FSTL4: variants seen among roughly 807,000 people sequenced by gnomAD.
The protein encoded by FSTL4 is follistatin-related protein 4.
Under a neutral mutation model 78.2 loss-of-function variants are expected in FSTL4, and 28 were observed. The observed-to-expected ratio is 0.36, with a 90% CI of 0.27 to 0.49. The LOEUF (loss-of-function observed/expected upper bound fraction) is 0.49. Ranked by LOEUF, FSTL4 falls within the 20% of genes least tolerant of loss-of-function variation. FSTL4 has a pLI of 0.98. For missense variants in FSTL4, 922 were observed against 1,084.9 expected (o/e 0.85, Z 2.11); for synonymous variants, 422 against 440.5 (o/e 0.96, Z 0.53).
intron 4 of FSTL4, among the ~76,000 whole-genome samples, chr5:133,334,302 G>A (rs2126911940): frequency 6.6e-6 from 1 of 152,320 alleles, no homozygotes; most frequent in South Asian, 2.1e-4. Flanking sequence ...CTCACATGAA[G>A]CTTTTCTTTA....
the FSTL4 span, among the ~76,000 whole-genome samples, chr5:133,839,535 G>A: frequency 9.3e-4 from 131 of 140,452 alleles, 1 homozygote; most frequent in African/African-American, 2.9e-3. Flanking sequence ...GTGGGTTGAG[G>A]GGCTATCTTT....
chr5:133,257,113 T>G (rs1204004920), intron 6 of FSTL4, among the ~76,000 whole-genome samples: 1 of 152,228 alleles, frequency 6.6e-6, no homozygotes, highest in Non-Finnish European at 1.5e-5. Context: ...AGTGAACTAT[T>G]AGGCTAGTGC....
chr5:133,315,252 G>A (rs1411355643), intron 5 of FSTL4, among the ~76,000 whole-genome samples: 1 of 152,238 alleles, frequency 6.6e-6, no homozygotes, highest in African/African-American at 2.4e-5. Flanking sequence ...GAGGTTCACA[G>A]CTGAACACAG....
chr5:133,835,579 A>C, the FSTL4 span, among the ~76,000 whole-genome samples: 1 of 152,216 alleles, frequency 6.6e-6, no homozygotes, highest in Non-Finnish European at 1.5e-5. Flanking sequence ...CTTAGTGAGT[A>C]ATCTCTACTT....
the FSTL4 span, among the ~76,000 whole-genome samples, chr5:133,826,497 G>A: frequency 6.6e-6 from 1 of 152,126 alleles, no homozygotes; most frequent in Non-Finnish European, 1.5e-5. Flanking sequence ...TCAGCTTCTG[G>A]TGGCCATCAG....
At chr5:133,507,154 G>A (rs1280339659) in intron 3 of FSTL4, among the ~76,000 whole-genome samples, 1 of 152,180 alleles carries the variant, frequency 6.6e-6, no homozygotes, top group African/African-American at 2.4e-5. Context: ...ATTGCAGTGA[G>A]CCGAGATCAC....
At chr5:133,241,536 C>A (rs915446433) in intron 7 of FSTL4, among the ~76,000 whole-genome samples, 2 of 152,216 alleles carry the variant, frequency 1.3e-5, no homozygotes, top group African/African-American at 4.8e-5. Flanking sequence ...GGCCAGCAGG[C>A]AAATACCTCT....
chr5:133,653,109 C>G, the FSTL4 span, among the ~76,000 whole-genome samples: 1 of 152,190 alleles, frequency 6.6e-6, no homozygotes, highest in African/African-American at 2.4e-5. Context: ...CATACACATT[C>G]ACACCACAGA....
chr5:133,492,165 T>C (rs1239416643), intron 3 of FSTL4, among the ~76,000 whole-genome samples: 1 of 152,192 alleles, frequency 6.6e-6, no homozygotes, highest in Non-Finnish European at 1.5e-5. Flanking sequence ...TAGTATCTTC[T>C]CAAATAACAC....
At chr5:133,760,683 C>A in the FSTL4 span, among the ~76,000 whole-genome samples, 1 of 152,126 alleles carries the variant, frequency 6.6e-6, no homozygotes, top group African/African-American at 2.4e-5. Context: ...TGCAGCCTGG[C>A]CACGCAGTTC....
At chr5:133,624,634 TA>T in the FSTL4 span, among the ~76,000 whole-genome samples, 2 of 151,974 alleles carry the variant, frequency 1.3e-5, no homozygotes, top group Non-Finnish European at 2.9e-5. Context: ...TTAGTGGGTT[TA>T]TTTCTGGGTT....
the FSTL4 span, among the ~76,000 whole-genome samples, chr5:133,692,540 T>C: frequency 6.6e-6 from 1 of 152,166 alleles, no homozygotes; most frequent in Non-Finnish European, 1.5e-5. Flanking sequence ...AGGCACAGCT[T>C]GCAAAGCACA....
chr5:133,331,725 T>C (rs750120577), intron 4 of FSTL4, among the ~76,000 whole-genome samples: 2 of 152,202 alleles, frequency 1.3e-5, no homozygotes, highest in East Asian at 1.9e-4. Context: ...ACTTGAACGA[T>C]TGACAGTAAA....
chr5:133,706,925 G>C, the FSTL4 span, among the ~76,000 whole-genome samples: 3 of 152,164 alleles, frequency 2.0e-5, no homozygotes, highest in Non-Finnish European at 4.4e-5. Context: ...TCTCCACTGG[G>C]CTCTCGGGAG....
chr5:133,275,420 C>T (rs556294062), intron 6 of FSTL4, among the ~76,000 whole-genome samples: 13 of 152,122 alleles, frequency 8.5e-5, no homozygotes, highest in East Asian at 3.9e-4. Flanking sequence ...ATTAGCCAGG[C>T]GTGGTGGCGG....
intron 3 of FSTL4, among the ~76,000 whole-genome samples, chr5:133,500,214 C>G (rs531095526): frequency 6.6e-6 from 1 of 152,278 alleles, no homozygotes; most frequent in South Asian, 2.1e-4. Flanking sequence ...GTGAACTCAT[C>G]TGATCCTTGA....
chr5:133,253,201 G>T (rs1464801665), intron 6 of FSTL4, among the ~76,000 whole-genome samples: 1 of 152,200 alleles, frequency 6.6e-6, no homozygotes. Flanking sequence ...CCCCCTGGCG[G>T]GTCCTCCTTC....
chr5:133,742,928 G>A, the FSTL4 span, among the ~76,000 whole-genome samples: 2 of 152,122 alleles, frequency 1.3e-5, no homozygotes, highest in African/African-American at 2.4e-5. Flanking sequence ...CAGATCTACC[G>A]TCATCCCGCC....
chr5:133,635,382 A>G, the FSTL4 span, among the ~76,000 whole-genome samples: 1 of 152,238 alleles, frequency 6.6e-6, no homozygotes, highest in African/African-American at 2.4e-5. Context: ...AATTGCTTCC[A>G]CAATAAATGT....
Sources: allele counts gnomAD v4.1 joint callset (sites outside exome capture counted in the v4.1 genomes callset), GRCh38; gene constraint gnomAD v4.1.1; transcripts MANE v1.5; gene names NCBI Gene and HGNC (gene_info 2026-07-23, HGNC 2026-07-21).